The following DIDO1 variants were observed in gnomAD, a reference collection of about 807,000 sequenced individuals.
DIDO1 encodes death-inducer obliterator 1.
Under a neutral mutation model 99.4 loss-of-function variants are expected in DIDO1, and 16 were observed. That is an observed-to-expected ratio of 0.16 (90% CI 0.11 to 0.24). The LOEUF (loss-of-function observed/expected upper bound fraction) is 0.24. Ranked by LOEUF, DIDO1 falls within the 10% of genes least tolerant of loss-of-function variation. The pLI is 1.00. For synonymous variants in DIDO1, 1,366 were observed against 1,239.1 expected, an observed-to-expected ratio of 1.10 and a Z score of -2.15; for missense variants, 2,996 against 3,014.0, an observed-to-expected ratio of 0.99 and a Z score of 0.14.
chr20:62,905,167 G>A (rs1032685882), intron 6 of DIDO1: 31 of 1,051,532 alleles, frequency 2.9e-5, no homozygotes, highest in Middle Eastern at 4.5e-4. Flanking sequence ...TTCAAGAGAC[G>A]AGGGCAAGAA....
Position 62,911,207 on chromosome 20 carries a change from G to A in DIDO1, c.406C>T (p.Pro136Ser). ...QSASTAVKERPASSEKVKGGD... is the reference protein window; with the variant it reads ...QSASTAVKERSASSEKVKGGD... ...CCTTTCACCTTTTCAGAAGAGGCTG[G>A]TCGTTCCTTCACAGCTGTGGAAGCA... The change falls in exon 3 of 16, where the codon CCA becomes TCA. Residue 136 changes from proline to serine, a missense_variant. By Grantham distance (74) the Pro-to-Ser change is moderately conservative. Around this residue, in one of 5 missense-constraint regions of DIDO1, gnomAD observed 388 missense variants for 376.6 expected, o/e 1.03. Transcript: ENST00000395343. This position sits in a 1 kb window ranked among gnomAD's most constrained non-coding sequence, Gnocchi z 7.0. 1 of 1,613,806 alleles carries A rather than the reference G, an allele frequency of 6.2e-7. No individual in the cohort carries two copies. The highest frequency in any genetic ancestry group is 1.1e-5 in the South Asian group (1 of 91,090).
At chr20:62,889,372 C>CT (rs3833336) in intron 15 of DIDO1, 355,823 of 985,300 alleles carry the variant, frequency 0.36, 67,507 homozygotes, top group African/African-American at 0.68. Flanking sequence ...ACCCTACAAC[C>CT]GTGCTCACCT....
Position 62,911,287 on chromosome 20 carries a change from G to A in DIDO1, c.326C>T (p.Thr109Ile), listed in dbSNP as rs778691703. ...GCTTTCCACGCTGCCCTCGGAGGCT[G>A]TCTCGGCGTCTGTGGCGGGGCAGGA... ...PTSCPATDAE[T>I]ASEGSVESAS... Residue 109 changes from threonine (T) to isoleucine (I), a missense_variant, in exon 3 of 16, where the codon ACA becomes ATA. By Grantham distance (89) the Thr-to-Ile change is moderately conservative (BLOSUM62 -1). Around this residue, in one of 5 missense-constraint regions of DIDO1, gnomAD observed 388 missense variants for 376.6 expected, o/e 1.03. Coordinates refer to ENST00000395343, the MANE Select transcript of DIDO1 (RefSeq NM_001193369.2). This position sits in a 1 kb window ranked among gnomAD's most constrained non-coding sequence, Gnocchi z 7.0. The A allele has an allele frequency of 1.2e-6, 2 of 1,611,824 alleles. No individual in the cohort carries two copies. The highest frequency in any genetic ancestry group is 2.2e-5 in the South Asian group (2 of 91,086).
In DIDO1 at chr20:62,878,115, C is replaced by T. The variant is rs1426021323; in HGVS notation, c.*1118G>A. 2 of 152,180 alleles carry T rather than the reference C, an allele frequency of 1.3e-5. No individual in the cohort carries two copies. The highest frequency in any genetic ancestry group is 2.9e-5 in the Non-Finnish European group (2 of 68,030). 9.4% of individuals were successfully genotyped at this position (152,180 alleles called of 1,614,324 possible). ...TAGTGACGTACAATGGAATAACAGA[C>T]TCCAAAGAACAAGTGAAGTTCTTTA... On this transcript the variant is annotated 3_prime_UTR_variant, in exon 16 of 16. Coordinates refer to ENST00000395343, the MANE Select transcript of DIDO1 (RefSeq NM_001193369.2).
intron 15 of DIDO1, among the ~76,000 whole-genome samples, chr20:62,885,257 G>A (rs575706113): frequency 1.5e-3 from 223 of 152,274 alleles, no homozygotes; most frequent in Non-Finnish European, 2.8e-3. Flanking sequence ...GAAGGACCCT[G>A]GGCAGTAGGG....
rs968103771 is a variant in DIDO1, at chr20:62,890,263, C to A, written c.3541+697G>T. The A allele has an allele frequency of 4.1e-6, 4 of 985,938 alleles. No homozygotes were observed. The African/African-American group carries it at 7.0e-5, about 17-fold the overall frequency. The allele number at this position is 985,938 out of a possible 1,614,324, so 61.1% of individuals were successfully genotyped here. A position where few individuals can be genotyped will look rare whatever the true frequency, so the allele number is the denominator to read the frequency against. On this transcript the variant is annotated intron_variant, in intron 15 of 15. Transcript: ENST00000395343. ...ACTTCAGTTGGGCATCAGATACTAA[C>A]CCCTAACTGAAGTCACATCAGCTTC... is the stretch of plus-strand genomic sequence containing the variant.
In DIDO1 at chr20:62,881,379, T is replaced by A. The variant is rs2064202674; in HGVS notation, c.4577A>T (p.Lys1526Met). 6.2e-7 allele frequency: 1 copy of A among 1,606,912 alleles called. No homozygotes were observed. Among genetic ancestry groups the A allele is most frequent in the Non-Finnish European group, 8.5e-7 (1 of 1,179,884 alleles). ...VSDALMSPPPKSSLPKAELFQ... is the reference protein window; with the variant it reads ...VSDALMSPPPMSSLPKAELFQ... ...CAGCTCTGCCTTGGGCAAGGACGAC[T>A]TTGGTGGTGGAGACATCAAGGCGTC... The change falls in exon 16 of 16, where the codon AAG (lysine) becomes ATG (methionine). Residue 1526 changes from lysine to methionine, a missense_variant. Physicochemically the swap from Lys to Met is moderately conservative, Grantham distance 95 (BLOSUM62 -1). Coordinates refer to ENST00000395343, the MANE Select transcript of DIDO1 (RefSeq NM_001193369.2). This position sits in a 1 kb window ranked among gnomAD's most constrained non-coding sequence, Gnocchi z 8.3.
At chr20:62,937,374 G>A (rs936996371) in intron 1 of DIDO1, among the ~76,000 whole-genome samples, 1 of 151,398 alleles carries the variant, frequency 6.6e-6, no homozygotes, top group African/African-American at 2.4e-5. Context: ...TGCCGGGAGG[G>A]TCTCCAGTCA....
At chr20:62,907,533 G>GT (rs1395855753) in intron 4 of DIDO1, among the ~76,000 whole-genome samples, 174 bp from the exon 5 acceptor site, 3 of 152,248 alleles carry the variant, frequency 2.0e-5, no homozygotes, top group African/African-American at 7.2e-5. Flanking sequence ...AAAAAGCCAG[G>GT]TAAGGCATTC....
At chr20:62,905,489 T>C (rs1568860822) in intron 6 of DIDO1, 1 of 1,550,620 alleles carries the variant, frequency 6.4e-7, no homozygotes, top group Admixed American at 2.0e-5. Flanking sequence ...CTGAAGCGTA[T>C]ACAGCGCTGT....
Position 62,880,762 on chromosome 20 carries a change from C to T in DIDO1, c.5194G>A (p.Gly1732Ser). ...CCTGGTGGGGGGAGCGGGGCGGTGC[C>T]CTCGCCGGGTCTGGCCTGTGGCTCT... ...DREPQARPGEGTAPLPPPGQK... is the reference protein window; with the variant it reads ...DREPQARPGESTAPLPPPGQK... Residue 1732 changes from glycine (G) to serine (S), a missense_variant, in exon 16 of 16, where the codon GGC becomes AGC. Gly to Ser is a moderately conservative substitution (Grantham distance 56, BLOSUM62 0). This residue lies in a region of DIDO1 where 1,562 missense variants were observed against 1,412.6 expected (regional missense o/e 1.11). Transcript: ENST00000395343. The T allele has an allele frequency of 1.2e-6, 2 of 1,612,742 alleles. No homozygotes were observed. The highest frequency in any genetic ancestry group is 1.7e-6 in the Non-Finnish European group (2 of 1,179,914).
Position 62,910,872 on chromosome 20 carries a change from T to G in DIDO1, c.741A>C (p.Lys247Asn), listed in dbSNP as rs2064918011. ...GGCCCAAGTCTCCAGGCTCCTCATCTTTGATGTCCTGAGCCGCCTTTCCCT... is the reference window on the plus strand; with the variant it reads ...GGCCCAAGTCTCCAGGCTCCTCATCGTTGATGTCCTGAGCCGCCTTTCCCT... ...KLEGKAAQDI[K>N]DEEPGDLGRP... Residue 247 changes from lysine to asparagine, a missense_variant, in exon 3 of 16, where the codon AAA becomes AAC. Physicochemically the swap from Lys to Asn is moderately conservative, Grantham distance 94 (BLOSUM62 0). Coordinates refer to ENST00000395343, the MANE Select transcript of DIDO1 (RefSeq NM_001193369.2). 1.2e-6 allele frequency: 2 copies of G among 1,614,186 alleles called. No individual in the cohort carries two copies. The highest frequency in any genetic ancestry group is 1.7e-6 in the Non-Finnish European group (2 of 1,180,028).
Position 62,881,351 on chromosome 20 carries a change from G to A in DIDO1, c.4605C>T (p.Phe1535=). 6.2e-7 allele frequency: 1 copy of A among 1,605,724 alleles called. No homozygotes were observed. Among genetic ancestry groups the A allele is most frequent in the South Asian group, 1.1e-5 (1 of 91,076 alleles). The change falls in exon 16 of 16, where the codon TTC becomes TTT. Residue 1535 remains phenylalanine, a synonymous_variant. Coordinates refer to ENST00000395343, the MANE Select transcript of DIDO1 (RefSeq NM_001193369.2). The surrounding 1 kb of genome is among the most constrained non-coding windows in gnomAD (Gnocchi z 8.3). ...PKSSLPKAEL[F]QQEQQSADKP... The stretch of plus-strand genomic sequence containing the variant: ...TGTCTGCAGACTGCTGCTCTTGCTG[G>A]AACAGCTCTGCCTTGGGCAAGGACG...
rs1427207871 is a variant in DIDO1, at chr20:62,881,861, C to T, written c.4095G>A (p.Gln1365=). Reference sequence around the variant, plus strand: ...TATCTTTTGAGAACTGACCGAACTGCTGGACGATCGGATCTAACAACGGAG... The same window carrying T: ...TATCTTTTGAGAACTGACCGAACTGTTGGACGATCGGATCTAACAACGGAG... ...PAPPLLDPIV[Q]QFGQFSKDKA... Residue 1365 remains glutamine, a synonymous_variant, in exon 16 of 16, where the codon CAG becomes CAA. Transcript: ENST00000395343. This position sits in a 1 kb window ranked among gnomAD's most constrained non-coding sequence, Gnocchi z 8.3. 9 of 1,613,602 alleles carry T rather than the reference C, an allele frequency of 5.6e-6. No individual in the cohort carries two copies. In the South Asian group the frequency reaches 9.9e-5, roughly 18 times the overall value.
rs374285415 is a variant in DIDO1 at position 62,893,619 on chromosome 20, T to C, written c.3101+47A>G. On this transcript the variant is annotated intron_variant, in intron 12 of 15. Coordinates refer to ENST00000395343, the MANE Select transcript of DIDO1 (RefSeq NM_001193369.2). ...CACCAGTTATCTTTCCTTTCGTTAATCTAAAAAAAAAGTTTGGCTTGTTCA... is the reference window on the plus strand; with the variant it reads ...CACCAGTTATCTTTCCTTTCGTTAACCTAAAAAAAAAGTTTGGCTTGTTCA... The C allele has an allele frequency of 2.0e-6, 3 of 1,509,200 alleles. No homozygotes were observed. The African/African-American group carries it at 4.2e-5, about 21-fold the overall frequency. The allele number at this position is 1,509,200 out of a possible 1,614,324, so 93.5% of individuals were successfully genotyped here.
chr20:62,890,010 C>T (rs1280778503), intron 15 of DIDO1: 12 of 985,412 alleles, frequency 1.2e-5, no homozygotes, highest in Non-Finnish European at 1.4e-5. Context: ...GTGGCCCCTA[C>T]AGGACCCCAG....
intron 6 of DIDO1, among the ~76,000 whole-genome samples, chr20:62,900,321 T>A (rs2064638590): frequency 6.6e-6 from 1 of 152,238 alleles, no homozygotes. Flanking sequence ...AACTGCAGAA[T>A]GAAGCAGGTC....
At chr20:62,887,305 GCTA>G (rs1314094013) in intron 15 of DIDO1, 3 of 985,352 alleles carry the variant, frequency 3.0e-6, no homozygotes, top group African/African-American at 1.7e-5. Flanking sequence ...TCCATGCAAA[GCTA>G]CTGTTACATA....
chr20:62,905,771 G>T (rs1156719600), intron 6 of DIDO1, 116 bp downstream of exon 6: 24 of 1,609,578 alleles, frequency 1.5e-5, no homozygotes, highest in Non-Finnish European at 2.0e-5. Flanking sequence ...GGTGCAGCCG[G>T]TGTCTGTGAT....
Sources: allele counts gnomAD v4.1 joint callset (sites outside exome capture counted in the v4.1 genomes callset), GRCh38; gene constraint gnomAD v4.1.1; regional missense constraint gnomAD v4.1.1; non-coding constraint Gnocchi (gnomAD v3.1); transcripts MANE v1.5; gene names NCBI Gene and HGNC (gene_info 2026-07-23, HGNC 2026-07-21).